Variants in CCDC190 observed in about 807,000 individuals in gnomAD.
CCDC190 encodes the protein coiled-coil domain-containing protein 190.
In CCDC190, 10 loss-of-function variants were observed where a neutral mutation model predicts 13.1. The ratio of observed to expected loss-of-function variants is 0.77; its 90% CI spans 0.47 to 1.30. CCDC190 has a LOEUF of 1.30. Ranked by LOEUF, CCDC190 falls within the 50% of genes most tolerant of loss-of-function variation. The pLI, the probability that CCDC190 is intolerant of heterozygous loss-of-function variation, is 0.00. For synonymous variants in CCDC190, 136 were observed against 127.2 expected (o/e 1.07, Z -0.47); for missense variants, 375 against 354.3 (o/e 1.06, Z -0.47).
rs1479066247 is a variant in CCDC190, at chr1:162,859,625, C to T, written c.22G>A (p.Gly8Arg). Reference protein sequence around the residue: MERHMVRGQLYKHFDLER... With the variant: MERHMVRRQLYKHFDLER... ...AAATCAAAATGCTTATACAATTGTCCCCTGACCATGTGCCTCTCCATCTTC... is the reference window on the plus strand; with the variant it reads ...AAATCAAAATGCTTATACAATTGTCTCCTGACCATGTGCCTCTCCATCTTC... Residue 8 changes from glycine to arginine, a missense_variant, in exon 2 of 4, where the codon GGA (glycine) becomes AGA (arginine). Coordinates refer to ENST00000367912, the MANE Select transcript of CCDC190 (RefSeq NM_001394065.1). 6.2e-7 allele frequency: 1 copy of T among 1,613,406 alleles called. No individual in the cohort carries two copies. Among genetic ancestry groups the T allele is most frequent in the East Asian group, 2.2e-5 (1 of 44,884 alleles).
At chr1:162,855,510 G>A in intron 3 of CCDC190, 122 bp downstream of exon 3, 1 of 1,492,226 alleles carries the variant, frequency 6.7e-7, no homozygotes, top group South Asian at 1.3e-5. Flanking sequence ...TAGTAACAAT[G>A]CAGGGAAAAT....
chr1:162,854,730 A>G lies in CCDC190; in HGVS notation c.*35T>C. On this transcript the variant is annotated 3_prime_UTR_variant, in exon 4 of 4. Transcript: ENST00000367912. ...TTGAGGAACACATTTCCTTAGCAATAATGGCATATGTTATTGTCAGGCTAT... is the reference window on the plus strand; with the variant it reads ...TTGAGGAACACATTTCCTTAGCAATGATGGCATATGTTATTGTCAGGCTAT... 6.4e-7 allele frequency: 1 copy of G among 1,552,568 alleles called. No homozygotes were observed. The highest frequency in any genetic ancestry group is 8.7e-7 in the Non-Finnish European group (1 of 1,149,252).
chr1:162,855,280 C>A lies in CCDC190; in HGVS notation c.391G>T (p.Asp131Tyr). The change falls in exon 4 of 4, where the codon GAC becomes TAC. Residue 131 changes from aspartate (D) to tyrosine (Y), a missense_variant. Transcript: ENST00000367912. ...VPPSHDAGLK[D>Y]PMKSKKQPLS... ...GGCTGCTTTTTGCTCTTCATGGGGT[C>A]TTTGAGGCCAGCATCATGTGAAGGA... The A allele has an allele frequency of 6.2e-7, 1 of 1,613,786 alleles. No homozygotes were observed. Among genetic ancestry groups the A allele is most frequent in the Non-Finnish European group, 8.5e-7 (1 of 1,179,862 alleles).
intron 2 of CCDC190, among the ~76,000 whole-genome samples, chr1:162,856,692 C>T (rs960936791): frequency 1.1e-4 from 17 of 152,240 alleles, no homozygotes; most frequent in African/African-American, 2.6e-4. Flanking sequence ...ATCTACAGTT[C>T]GGTTAGTAGG....
intron 2 of CCDC190, among the ~76,000 whole-genome samples, chr1:162,857,285 T>C (rs780108525): frequency 8.5e-5 from 13 of 152,214 alleles, no homozygotes; most frequent in Non-Finnish European, 1.5e-4. Flanking sequence ...ACTCTGACTA[T>C]AGTCTGAGGT....
rs750397947 is a variant in CCDC190 at position 162,854,243 on chromosome 1, G to A, written c.*522C>T. ...GTGGGAGGGTGAAAACTAAAATGGA[G>A]CTATCTGTAAATAAAGGAAGGAAGG... On this transcript the variant is annotated 3_prime_UTR_variant, in exon 4 of 4. Coordinates refer to ENST00000367912, the MANE Select transcript of CCDC190 (RefSeq NM_001394065.1). 1.5e-4 allele frequency: 147 copies of A among 985,406 alleles called. No individual in the cohort carries two copies. Among genetic ancestry groups the A allele is most frequent in the Non-Finnish European group, 1.7e-4 (140 of 830,020 alleles). 61.0% of individuals were successfully genotyped at this position (985,406 alleles called of 1,614,324 possible). A position where few individuals can be genotyped will look rare whatever the true frequency, so the allele number is the denominator to read the frequency against.
rs771361068 is a variant in CCDC190 at position 162,854,867 on chromosome 1, C to T, written c.804G>A (p.Arg268=). The change falls in exon 4 of 4, where the codon AGG becomes AGA. Residue 268 remains arginine, a synonymous_variant. Transcript: ENST00000367912. ...LRHRVPPESE[R]LLSIGEIFGH... The stretch of plus-strand genomic sequence containing the variant: ...CAAATATCTCTCCAATGCTAAGCAA[C>T]CTCTCAGACTCAGGGGGGACCCTGT... 23 of 1,614,048 alleles carry T rather than the reference C, an allele frequency of 1.4e-5. No individual in the cohort carries two copies. The highest frequency in any genetic ancestry group is 1.9e-5 in the Non-Finnish European group (22 of 1,179,894).
At chr1:162,868,155 C>G (rs1317246528) in intron 1 of CCDC190, among the ~76,000 whole-genome samples, 2 of 152,076 alleles carry the variant, frequency 1.3e-5, no homozygotes, top group Admixed American at 1.3e-4. Flanking sequence ...TTTGTCTCCA[C>G]TAAATAAAAT....
chr1:162,861,143 A>G lies in CCDC190; in HGVS notation c.-148T>C, dbSNP rs1488706273. 2 of 347,802 alleles carry G rather than the reference A, an allele frequency of 5.8e-6. No individual in the cohort carries two copies. The highest frequency in any genetic ancestry group is 8.1e-6 in the Non-Finnish European group (2 of 247,410). The allele number at this position is 347,802 out of a possible 1,614,324, so 21.5% of individuals were successfully genotyped here. On this transcript the variant is annotated 5_prime_UTR_variant, in exon 1 of 4. It removes an upstream start codon present in the reference 5' UTR. Transcript: ENST00000367912. ...TTTGGAGAAAGGATAGAGGGAGACC[A>G]TTGGAGAGGGCTGCGAGGAGAATGT... is the stretch of plus-strand genomic sequence containing the variant.
At chr1:162,859,328 A>G (rs1473295940) in intron 2 of CCDC190, 132 bp downstream of exon 2, 4 of 763,728 alleles carry the variant, frequency 5.2e-6, no homozygotes, top group East Asian at 5.6e-5. Context: ...TAGGCAGCCT[A>G]AAGTCCTGGC....
chr1:162,854,572 C>A lies in CCDC190; in HGVS notation c.*193G>T, dbSNP rs999194113. The A allele has an allele frequency of 8.1e-6, 11 of 1,362,054 alleles. No homozygotes were observed. In the Admixed American group the frequency reaches 3.5e-4, roughly 44 times the overall value. 84.4% of individuals were successfully genotyped at this position (1,362,054 alleles called of 1,614,324 possible). A position where few individuals can be genotyped will look rare whatever the true frequency, so the allele number is the denominator to read the frequency against. The stretch of plus-strand genomic sequence containing the variant: ...AAATATTTTCAGAAGATTCATTCTT[C>A]CTCTCCTTTTTCATATATTAGCATT... On this transcript the variant is annotated 3_prime_UTR_variant, in exon 4 of 4. Coordinates refer to ENST00000367912, the MANE Select transcript of CCDC190 (RefSeq NM_001394065.1).
chr1:162,861,402 T>A (rs1650509182), upstream of CCDC190, among the ~76,000 whole-genome samples: 3 of 151,690 alleles, frequency 2.0e-5, no homozygotes, highest in Non-Finnish European at 4.4e-5. Context: ...GTGTTCTCAA[T>A]CTCTCTCTCT....
At chr1:162,860,619 G>A (rs1224897989) in intron 1 of CCDC190, among the ~76,000 whole-genome samples, 6 of 151,402 alleles carry the variant, frequency 4.0e-5, no homozygotes, top group Non-Finnish European at 5.9e-5. Flanking sequence ...GTGCAGTGGC[G>A]CGATCTCAGC....
intron 3 of CCDC190, 113 bp from the exon 4 acceptor site, chr1:162,855,472 T>A: frequency 6.9e-7 from 1 of 1,457,910 alleles, no homozygotes. Flanking sequence ...GTAATATAGG[T>A]GGGAATGGGG....
At chr1:162,859,325 C>T in intron 2 of CCDC190, 135 bp downstream of exon 2, 1 of 735,658 alleles carries the variant, frequency 1.4e-6, no homozygotes, top group South Asian at 2.0e-5. Context: ...GGTTAGGCAG[C>T]CTAAAGTCCT....
chr1:162,868,832 C>G (rs988365558), upstream of CCDC190: 1 of 138,548 alleles, frequency 7.2e-6, no homozygotes, highest in Non-Finnish European at 1.6e-5. Flanking sequence ...AAATGTCCAG[C>G]TGAACTTTTT....
chr1:162,854,208 C>A lies in CCDC190; in HGVS notation c.*557G>T. On this transcript the variant is annotated 3_prime_UTR_variant, in exon 4 of 4. Transcript: ENST00000367912. ...TAGGATTCAAAAAATTTGATATGAG[C>A]AGGTTGAAAGTGGGAGGGTGAAAAC... 1 of 984,440 alleles carries A rather than the reference C, an allele frequency of 1.0e-6. No individual in the cohort carries two copies. The highest frequency in any genetic ancestry group is 1.2e-6 in the Non-Finnish European group (1 of 829,170). 61.0% of individuals were successfully genotyped at this position (984,440 alleles called of 1,614,324 possible).
At chr1:162,856,690 T>C (rs1242415005) in intron 2 of CCDC190, among the ~76,000 whole-genome samples, 1 of 152,176 alleles carries the variant, frequency 6.6e-6, no homozygotes, top group Non-Finnish European at 1.5e-5. Flanking sequence ...AAATCTACAG[T>C]TCGGTTAGTA....
chr1:162,862,985 A>C (rs1336045699), upstream of CCDC190, among the ~76,000 whole-genome samples: 14 of 152,124 alleles, frequency 9.2e-5, no homozygotes, highest in African/African-American at 1.2e-4. Flanking sequence ...AAATGGCAAG[A>C]AATGTGTAGA....
Sources: allele counts gnomAD v4.1 joint callset (sites outside exome capture counted in the v4.1 genomes callset), GRCh38; gene constraint gnomAD v4.1.1; transcripts MANE v1.5; gene names NCBI Gene and HGNC (gene_info 2026-07-23, HGNC 2026-07-21).